The following ZNF385D variants were observed in gnomAD, a reference collection of about 807,000 sequenced individuals.
ZNF385D encodes zinc finger protein 385D, also known as zinc finger protein 659.
A neutral mutation model predicts 35.8 loss-of-function variants in ZNF385D; 15 were observed. The observed-to-expected ratio is 0.42, with a 90% CI of 0.28 to 0.64. The LOEUF (loss-of-function observed/expected upper bound fraction) is 0.64. Ranked by LOEUF, ZNF385D falls within the 30% of genes least tolerant of loss-of-function variation. ZNF385D has a pLI of 0.23. For synonymous variants in ZNF385D, 212 were observed against 186.8 expected, an observed-to-expected ratio of 1.13 and a Z score of -1.10; for missense variants, 474 against 494.6, an observed-to-expected ratio of 0.96 and a Z score of 0.39.
At position 21,550,488 on chromosome 3, in the gene ZNF385D, TA is replaced by T. The variant is rs542228867; in HGVS notation, c.276+14085del. ...TTTATGTTCTAAAATGTGGAAAAAT[TA>T]TATATATTTTTTAGACAGAGTCTCA... On this transcript the variant is annotated intron_variant, in intron 3 of 7. Coordinates refer to ENST00000281523, the MANE Select transcript of ZNF385D (RefSeq NM_024697.3). Among the ~76,000 whole-genome samples, 72 of 152,200 alleles carry T rather than the reference TA, an allele frequency of 4.7e-4. 1 individual carries two copies. In the South Asian group the frequency reaches 0.014, roughly 31 times the overall value.
At chr3:22,067,748 G>C (rs1001637412) in intron 3 of ZNF385D, among the ~76,000 whole-genome samples, 1 of 152,160 alleles carries the variant, frequency 6.6e-6, no homozygotes, top group South Asian at 2.1e-4. Flanking sequence ...ATCTGGCTGG[G>C]CATGGTGGCT....
chr3:21,820,483 G>T (rs977339189), intron 3 of ZNF385D, among the ~76,000 whole-genome samples: 5 of 151,582 alleles, frequency 3.3e-5, no homozygotes, highest in African/African-American at 1.2e-4. Context: ...AAAATTTGTC[G>T]CAGAAATGCT....
intron 1 of ZNF385D, among the ~76,000 whole-genome samples, chr3:21,725,663 CA>C (rs1194071190): frequency 3.3e-5 from 5 of 152,104 alleles, no homozygotes; most frequent in African/African-American, 1.2e-4. Flanking sequence ...AGAACAATAA[CA>C]AGTTCTGAAA....
chr3:21,798,418 A>C (rs994944311), intron 3 of ZNF385D, among the ~76,000 whole-genome samples: 1 of 152,074 alleles, frequency 6.6e-6, no homozygotes, highest in Non-Finnish European at 1.5e-5. Flanking sequence ...TAGACGCGGG[A>C]CCACACTCAA....
chr3:21,644,334 G>A (rs1234701006), intron 2 of ZNF385D, among the ~76,000 whole-genome samples: 1 of 152,136 alleles, frequency 6.6e-6, no homozygotes, highest in East Asian at 1.9e-4. Flanking sequence ...CAGGTGGCCA[G>A]AGACTCTCCC....
intron 2 of ZNF385D, among the ~76,000 whole-genome samples, chr3:22,369,913 G>C (rs1007196752): frequency 1.7e-4 from 26 of 152,106 alleles, no homozygotes; most frequent in Non-Finnish European, 2.9e-4. Flanking sequence ...TGTATACTCA[G>C]CTACCTGCAT....
intron 3 of ZNF385D, among the ~76,000 whole-genome samples, chr3:21,835,697 A>C (rs932347223): frequency 9.2e-5 from 14 of 152,066 alleles, no homozygotes; most frequent in African/African-American, 3.1e-4. Context: ...CAGAAATTAT[A>C]CTTGGAACTG....
intron 3 of ZNF385D, among the ~76,000 whole-genome samples, chr3:21,910,043 G>C (rs1699886011): frequency 1.3e-5 from 2 of 151,498 alleles, no homozygotes; most frequent in Admixed American, 6.6e-5. Context: ...ACATTTCAAA[G>C]TATGTATAGT....
At chr3:22,117,338 G>C (rs1408160848) in intron 3 of ZNF385D, among the ~76,000 whole-genome samples, 1 of 151,958 alleles carries the variant, frequency 6.6e-6, no homozygotes, top group East Asian at 1.9e-4. Context: ...TTGCAAAATG[G>C]GTTCTCTGAA....
At chr3:21,561,267 C>A (rs2062936354) in intron 3 of ZNF385D, among the ~76,000 whole-genome samples, 1 of 152,208 alleles carries the variant, frequency 6.6e-6, no homozygotes, top group African/African-American at 2.4e-5. Flanking sequence ...ACTTAGGGCC[C>A]TGGTGGTGTA....
intron 2 of ZNF385D, among the ~76,000 whole-genome samples, chr3:22,342,041 CA>C (rs1237969770): frequency 6.6e-6 from 1 of 151,884 alleles, no homozygotes; most frequent in Non-Finnish European, 1.5e-5. Context: ...TTTGGGAGGC[CA>C]AGGCAGGCAG....
intron 3 of ZNF385D, among the ~76,000 whole-genome samples, chr3:22,091,487 C>G (rs976594795): frequency 8.5e-5 from 13 of 152,096 alleles, no homozygotes; most frequent in African/African-American, 3.1e-4. Flanking sequence ...AATCAGAACA[C>G]CCTGGTCTGT....
rs889836044 is a variant in ZNF385D, at chr3:22,111,171, T to G, written c.325+57646A>C. 7.2e-4 allele frequency among the ~76,000 whole-genome samples: 82 copies of G among 114,174 alleles called. No homozygotes were observed. In the East Asian group the frequency reaches 9.4e-3, roughly 13 times the overall value. 74.9% of individuals were successfully genotyped at this position (114,174 alleles called of 152,430 possible). A position where few individuals can be genotyped will look rare whatever the true frequency, so the allele number is the denominator to read the frequency against. On this transcript the variant is annotated intron_variant, in intron 3 of 5. Coordinates refer to the ZNF385D transcript ENST00000494108. ...TGTTGGATTTTTTTTTTTTTTTTTT[T>G]TTTTTGTTTTTTTTGTACTCTCAGG... is the stretch of plus-strand genomic sequence containing the variant.
intron 3 of ZNF385D, among the ~76,000 whole-genome samples, chr3:21,911,895 T>A (rs777135562): frequency 1.3e-5 from 2 of 151,986 alleles, no homozygotes; most frequent in Non-Finnish European, 2.9e-5. Flanking sequence ...CTAGAAGTCA[T>A]AGAAGATAAT....
chr3:22,231,726 A>G (rs1478871334), intron 2 of ZNF385D, among the ~76,000 whole-genome samples: 1 of 152,120 alleles, frequency 6.6e-6, no homozygotes, highest in African/African-American at 2.4e-5. Flanking sequence ...GAGCAGAATA[A>G]TATGGTTTGG....
Position 22,222,263 on chromosome 3 carries a change from G to T in ZNF385D, c.107-53228C>A, listed in dbSNP as rs147864613. On this transcript the variant is annotated intron_variant, in intron 2 of 5. Coordinates refer to the ZNF385D transcript ENST00000494108. ...GGATAACAGGCATGAGCCACGTCCG[G>T]CTAACCACTCTCAATTCTGCTGGCC... Among the ~76,000 whole-genome samples, 230 of 151,660 alleles carry T rather than the reference G, an allele frequency of 1.5e-3. 1 individual carries two copies. The highest frequency in any genetic ancestry group is 5.2e-3 in the African/African-American group (215 of 41,366).
At chr3:21,560,355 C>T (rs1575181113) in intron 3 of ZNF385D, among the ~76,000 whole-genome samples, 1 of 152,226 alleles carries the variant, frequency 6.6e-6, no homozygotes, top group East Asian at 1.9e-4. Context: ...AGTGGACTTC[C>T]TTTTTGTTGA....
rs142417095 is a variant in ZNF385D at position 21,726,430 on chromosome 3, C to G, written c.22+24465G>C. On this transcript the variant is annotated intron_variant, in intron 1 of 7. Coordinates refer to ENST00000281523, the MANE Select transcript of ZNF385D (RefSeq NM_024697.3). The stretch of plus-strand genomic sequence containing the variant: ...ACATGATCGTATATTTAGAAAACTC[C>G]ATCATCTCAGCCCAAAATCTCCTTA... 6.9e-4 allele frequency among the ~76,000 whole-genome samples: 105 copies of G among 152,214 alleles called. No individual in the cohort carries two copies. In the East Asian group the frequency reaches 0.019, roughly 27 times the overall value.
At chr3:22,036,885 C>G (rs952794286) in intron 3 of ZNF385D, among the ~76,000 whole-genome samples, 8 of 130,172 alleles carry the variant, frequency 6.1e-5, no homozygotes, top group Admixed American at 5.7e-4. Flanking sequence ...ACAACAGGCC[C>G]CAGTGTGTGA....
Sources: allele counts gnomAD v4.1 joint callset (sites outside exome capture counted in the v4.1 genomes callset), GRCh38; gene constraint gnomAD v4.1.1; transcripts MANE v1.5; gene names NCBI Gene and HGNC (gene_info 2026-07-23, HGNC 2026-07-21).